NELL1: variants seen among roughly 807,000 people sequenced by gnomAD.
NELL1 encodes protein kinase C-binding protein NELL1.
In NELL1, 76 loss-of-function variants were observed where a neutral mutation model predicts 107.4. The ratio of observed to expected loss-of-function variants is 0.71; its 90% CI spans 0.59 to 0.86. The LOEUF (loss-of-function observed/expected upper bound fraction) is 0.86. Ranked by LOEUF, NELL1 falls within the 40% of genes least tolerant of loss-of-function variation. The pLI, the probability that NELL1 is intolerant of heterozygous loss-of-function variation, is 0.00. For synonymous variants in NELL1, 353 were observed against 341.2 expected (o/e 1.03, Z -0.38); for missense variants, 1,024 against 1,005.5 (o/e 1.02, Z -0.25).
intron 15 of NELL1, among the ~76,000 whole-genome samples, chr11:21,518,710 A>G (rs1468069718): frequency 6.6e-6 from 1 of 152,232 alleles, no homozygotes; most frequent in Non-Finnish European, 1.5e-5. Flanking sequence ...AGTGTGATCT[A>G]CTGAGAGGTA....
chr11:20,990,401 C>A (rs975740127), intron 12 of NELL1, among the ~76,000 whole-genome samples: 1 of 152,312 alleles, frequency 6.6e-6, no homozygotes, highest in Non-Finnish European at 1.5e-5. Context: ...GGCTAGTTAC[C>A]TTTCACAGTG....
intron 14 of NELL1, among the ~76,000 whole-genome samples, chr11:21,319,377 A>G (rs1302558778): frequency 3.3e-5 from 5 of 150,766 alleles, no homozygotes; most frequent in South Asian, 2.1e-4. Context: ...TTCAGTACAG[A>G]CAGGTTTTCA....
At chr11:21,508,471 T>C (rs1036479571) in intron 15 of NELL1, among the ~76,000 whole-genome samples, 4 of 152,106 alleles carry the variant, frequency 2.6e-5, no homozygotes, top group Admixed American at 2.0e-4. Context: ...TTACAAAACA[T>C]TGCAGAAAAT....
rs971746195 is a variant in NELL1 at position 21,277,429 on chromosome 11, G to A, written c.1549+47975G>A. On this transcript the variant is annotated intron_variant, in intron 14 of 19. Transcript: ENST00000357134. ...TGCTGGAGAGGATGTGGAGAAATAG[G>A]AACACTTTTACCCTGTTGGTGGGAC... 1.1e-4 allele frequency among the ~76,000 whole-genome samples: 16 copies of A among 151,248 alleles called. No individual in the cohort carries two copies. In the East Asian group the frequency reaches 2.9e-3, roughly 28 times the overall value.
chr11:20,986,638 C>T (rs2134250921), intron 12 of NELL1, among the ~76,000 whole-genome samples: 1 of 152,234 alleles, frequency 6.6e-6, no homozygotes, highest in Middle Eastern at 3.4e-3. Context: ...CTAACAAGTT[C>T]CCAGAAGACA....
At chr11:21,112,941 G>C (rs565068516) in intron 12 of NELL1, among the ~76,000 whole-genome samples, 1 of 152,088 alleles carries the variant, frequency 6.6e-6, no homozygotes, top group South Asian at 2.1e-4. Context: ...TCCCTATCAC[G>C]AACTTTTATG....
rs531073384 is a variant in NELL1 at position 21,185,665 on chromosome 11, A to G, written c.1427-43667A>G. 5.5e-4 allele frequency among the ~76,000 whole-genome samples: 83 copies of G among 151,810 alleles called. 4 individuals carry two copies. In the South Asian group the frequency reaches 0.017, roughly 31 times the overall value. Reference sequence around the variant, plus strand: ...CTAAGCCTCGGTTTTAGTTTTCAAAATTGAGATCCTGCTTCCCAGCTCACA... The same window carrying G: ...CTAAGCCTCGGTTTTAGTTTTCAAAGTTGAGATCCTGCTTCCCAGCTCACA... On this transcript the variant is annotated intron_variant, in intron 13 of 19. Transcript: ENST00000357134.
intron 16 of NELL1, among the ~76,000 whole-genome samples, chr11:21,544,919 G>GCAAA (rs900478153): frequency 6.6e-6 from 1 of 151,514 alleles, no homozygotes; most frequent in African/African-American, 2.4e-5. Context: ...AAAAATGATT[G>GCAAA]CATACACTAC....
At position 20,885,482 on chromosome 11, in the gene NELL1, T is replaced by C. The variant is rs1564950054; in HGVS notation, c.545T>C (p.Leu182Pro). Residue 182 changes from leucine (L) to proline (P), a missense_variant, in exon 5 of 20, where the codon CTT becomes CCT. Leu to Pro is a moderately conservative substitution (Grantham distance 98). Transcript: ENST00000357134. ...ERVIDPPDTN[L>P]PPGINLWLGQ... ...GTGATAGACCCTCCAGATACCAACCTTCCCCCAGGAATCAATTTATGGCTT... is the reference window on the plus strand; with the variant it reads ...GTGATAGACCCTCCAGATACCAACCCTCCCCCAGGAATCAATTTATGGCTT... 6.2e-7 allele frequency: 1 copy of C among 1,613,538 alleles called. No individual in the cohort carries two copies.
chr11:21,510,948 A>T (rs752617375), intron 15 of NELL1, among the ~76,000 whole-genome samples: 1 of 152,228 alleles, frequency 6.6e-6, no homozygotes, highest in African/African-American at 2.4e-5. Context: ...GAGACAGATT[A>T]TCAATGTTAA....
At chr11:21,185,780 T>C (rs1856923203) in intron 13 of NELL1, among the ~76,000 whole-genome samples, 2 of 151,920 alleles carry the variant, frequency 1.3e-5, no homozygotes, top group Admixed American at 6.5e-5. Context: ...GCTTTTAACC[T>C]GCACCTTGCT....
At chr11:21,560,063 A>T (rs1325574900) in intron 16 of NELL1, 126 bp from the exon 17 acceptor site, 9 of 844,388 alleles carry the variant, frequency 1.1e-5, no homozygotes, top group Non-Finnish European at 1.8e-5. Context: ...ACATGTGAAC[A>T]GCTTGGCAGT....
At chr11:21,309,728 T>C (rs916357756) in intron 14 of NELL1, among the ~76,000 whole-genome samples, 1 of 152,000 alleles carries the variant, frequency 6.6e-6, no homozygotes, top group Non-Finnish European at 1.5e-5. Context: ...TCACGTCTTA[T>C]ATGGATGGCG....
chr11:21,372,306 C>G (rs1254945741), intron 15 of NELL1, among the ~76,000 whole-genome samples: 1 of 151,492 alleles, frequency 6.6e-6, no homozygotes, highest in Non-Finnish European at 1.5e-5. Context: ...CTAAAAGATT[C>G]TTACTGCTTC....
chr11:21,523,021 A>G lies in NELL1; in HGVS notation c.1646-11353A>G, dbSNP rs1015857248. 1.3e-4 allele frequency among the ~76,000 whole-genome samples: 20 copies of G among 150,352 alleles called. No homozygotes were observed. In the South Asian group the frequency reaches 3.4e-3, roughly 25 times the overall value. On this transcript the variant is annotated intron_variant, in intron 15 of 19. Transcript: ENST00000357134. ...CACCACGCCCGGCTGATTTTTTTGT[A>G]TATTTTTAGTAGAAACGGGGTTTCA...
intron 2 of NELL1, among the ~76,000 whole-genome samples, chr11:20,764,792 C>A (rs12418007): frequency 6.6e-6 from 1 of 151,828 alleles, no homozygotes; most frequent in African/African-American, 2.4e-5. Flanking sequence ...GGAAACTACA[C>A]GTGAGAGTCA....
At chr11:20,748,060 C>T (rs1856043098) in intron 2 of NELL1, among the ~76,000 whole-genome samples, 1 of 152,220 alleles carries the variant, frequency 6.6e-6, no homozygotes, top group East Asian at 1.9e-4. Context: ...TAAGAGTTAG[C>T]CCTCCAACAT....
chr11:21,117,220 T>A (rs992853239), intron 13 of NELL1, among the ~76,000 whole-genome samples: 1 of 152,018 alleles, frequency 6.6e-6, no homozygotes, highest in South Asian at 2.1e-4. Flanking sequence ...AAATAGCCAC[T>A]CTGTTGTTTT....
At position 21,201,665 on chromosome 11, in the gene NELL1, C is replaced by T. The variant is rs187256046; in HGVS notation, c.1427-27667C>T. ...CTGGCCAGAACTTCCAATACTATGT[C>T]GAATAGGAGTGGTCAGAGAGGGCAT... On this transcript the variant is annotated intron_variant, in intron 13 of 19. Coordinates refer to ENST00000357134, the MANE Select transcript of NELL1 (RefSeq NM_006157.5). Among the ~76,000 whole-genome samples the T allele has an allele frequency of 7.7e-4, 117 of 152,094 alleles. 1 individual carries two copies. Among genetic ancestry groups the T allele is most frequent in the African/African-American group, 2.6e-3 (108 of 41,486 alleles).
Sources: gnomAD v4.1 joint callset for allele counts (sites outside exome capture counted in the v4.1 genomes callset) on GRCh38, gnomAD v4.1.1 for gene constraint, MANE v1.5 for transcripts, NCBI Gene and HGNC (gene_info 2026-07-23, HGNC 2026-07-21) for gene names.